The following ITGAE variants were observed in gnomAD, a reference collection of about 807,000 sequenced individuals.
The protein encoded by ITGAE is integrin subunit alpha E.
A neutral mutation model predicts 136.5 loss-of-function variants in ITGAE; 99 were observed. The ratio of observed to expected loss-of-function variants is 0.73; its 90% CI spans 0.62 to 0.86. The LOEUF (loss-of-function observed/expected upper bound fraction) is 0.86, where lower values mean the gene tolerates loss of function less well. Ranked by LOEUF, ITGAE falls within the 40% of genes least tolerant of loss-of-function variation. The pLI, the probability that ITGAE is intolerant of heterozygous loss-of-function variation, is 0.00. For missense variants in ITGAE, 1,447 were observed against 1,515.3 expected (o/e 0.95, Z 0.75); for synonymous variants, 613 against 591.8 (o/e 1.04, Z -0.52).
chr17:3,780,163 G>GTTTA (rs746262430), intron 1 of ITGAE, among the ~76,000 whole-genome samples: 1 of 142,390 alleles, frequency 7.0e-6, no homozygotes, highest in South Asian at 2.3e-4. Context: ...TTGTTTGTTT[G>GTTTA]TTTATTTGTT....
intron 16 of ITGAE, among the ~76,000 whole-genome samples, chr17:3,749,648 G>C (rs185404997): frequency 6.7e-4 from 102 of 152,176 alleles, no homozygotes; most frequent in African/African-American, 2.3e-3. Context: ...TGGAGAGGAC[G>C]GGACAGACGG....
At chr17:3,740,537 T>C (rs2051560615) in intron 19 of ITGAE, among the ~76,000 whole-genome samples, 1 of 152,158 alleles carries the variant, frequency 6.6e-6, no homozygotes, top group Non-Finnish European at 1.5e-5. Context: ...CCACCACGCC[T>C]GGCTAACTTT....
Position 3,750,416 on chromosome 17 carries a change from C to T in ITGAE, c.1960G>A (p.Asp654Asn). 6.2e-7 allele frequency: 1 copy of T among 1,614,230 alleles called. No individual in the cohort carries two copies. The highest frequency in any genetic ancestry group is 8.5e-7 in the Non-Finnish European group (1 of 1,180,048). ...TCGGCAAGGCCGTCGCCACTAATAT[C>T]AAAGCCACCAGCCATGGACATGCCG... is the stretch of plus-strand genomic sequence containing the variant. ...YFGMSMAGGF[D>N]ISGDGLADIT... The change falls in exon 16 of 31, where the codon GAT becomes AAT. Residue 654 changes from aspartate (D) to asparagine (N), a missense_variant. Physicochemically the swap from Asp to Asn is conservative, Grantham distance 23. Transcript: ENST00000263087.
intron 19 of ITGAE, among the ~76,000 whole-genome samples, chr17:3,741,292 T>C (rs2143014607): frequency 6.6e-6 from 1 of 151,446 alleles, no homozygotes; most frequent in South Asian, 2.1e-4. Flanking sequence ...TTTCACTGTG[T>C]TAGCCAGGAT....
Position 3,759,528 on chromosome 17 carries a change from C to G in ITGAE, c.740G>C (p.Gly247Ala). ...GTCAAACTCAGTCTGGATCACTCCTCCATACTGCACCAAGGCAAAGTTGCA... is the reference window on the plus strand; with the variant it reads ...GTCAAACTCAGTCTGGATCACTCCTGCATACTGCACCAAGGCAAAGTTGCA... ...FECNFALVQY[G>A]GVIQTEFDLR... is the part of the protein sequence containing the mutation. Residue 247 changes from glycine to alanine, a missense_variant, in exon 8 of 31, where the codon GGA becomes GCA. This residue lies in a region of ITGAE where 310 missense variants were observed against 416.1 expected (regional missense o/e 0.74). Transcript: ENST00000263087. The G allele has an allele frequency of 6.2e-7, 1 of 1,613,432 alleles. No individual in the cohort carries two copies. The highest frequency in any genetic ancestry group is 1.3e-5 in the African/African-American group (1 of 75,052).
In ITGAE at chr17:3,770,837, C is replaced by G. The variant is rs998706831; in HGVS notation, c.155+6703G>C. On this transcript the variant is annotated intron_variant, in intron 2 of 30. Coordinates refer to ENST00000263087, the MANE Select transcript of ITGAE (RefSeq NM_002208.5). Reference sequence around the variant, plus strand: ...CTCCAAACTCTCTCCTGCACCCTGGCCTTTAGGCTTCTGAGAGAGGGGCTG... The same window carrying G: ...CTCCAAACTCTCTCCTGCACCCTGGGCTTTAGGCTTCTGAGAGAGGGGCTG... 5.3e-5 allele frequency among the ~76,000 whole-genome samples: 8 copies of G among 152,266 alleles called. 1 individual carries two copies. Among genetic ancestry groups the G allele is most frequent in the East Asian group, 3.9e-4 (2 of 5,170 alleles).
At chr17:3,796,051 CTGTG>C (rs10598583) in intron 1 of ITGAE, among the ~76,000 whole-genome samples, 32 of 122,852 alleles carry the variant, frequency 2.6e-4, no homozygotes, top group African/African-American at 6.1e-4. Context: ...GTGTGTGCAT[CTGTG>C]TGTGTGCATC....
chr17:3,773,710 G>A (rs912546848), intron 2 of ITGAE, among the ~76,000 whole-genome samples: 4 of 152,182 alleles, frequency 2.6e-5, no homozygotes, highest in Admixed American at 1.3e-4. Context: ...ATCACTGGCC[G>A]CTGGTGATCA....
At chr17:3,746,874 AG>A (rs1475788709) in intron 17 of ITGAE, among the ~76,000 whole-genome samples, 6 of 152,042 alleles carry the variant, frequency 3.9e-5, no homozygotes, top group Non-Finnish European at 5.9e-5. Flanking sequence ...TACAGGCGTG[AG>A]CTACCACACC....
Position 3,725,336 on chromosome 17 carries a change from C to T in ITGAE, c.3085-1592G>A, listed in dbSNP as rs139867066. ...ATGCTGAAAAGGTTTATGGGGAATGCAGTCAGAAGGGTCCTGTCCCCTTTA... is the reference window on the plus strand; with the variant it reads ...ATGCTGAAAAGGTTTATGGGGAATGTAGTCAGAAGGGTCCTGTCCCCTTTA... On this transcript the variant is annotated intron_variant, in intron 26 of 30. Transcript: ENST00000263087. 2.5e-6 allele frequency: 4 copies of T among 1,614,108 alleles called. No individual in the cohort carries two copies. In the African/African-American group the frequency reaches 4.0e-5, roughly 16 times the overall value.
chr17:3,765,794 T>C (rs2052284314), intron 2 of ITGAE, among the ~76,000 whole-genome samples: 1 of 152,220 alleles, frequency 6.6e-6, no homozygotes, highest in African/African-American at 2.4e-5. Context: ...GTCTGACCTC[T>C]ATCTGCCACC....
At chr17:3,778,511 C>T (rs1321548822) in intron 1 of ITGAE, among the ~76,000 whole-genome samples, 2 of 152,128 alleles carry the variant, frequency 1.3e-5, no homozygotes, top group African/African-American at 4.8e-5. Context: ...TGCAGTGAGC[C>T]GAGATTGCAC....
At chr17:3,759,575 GC>G in intron 7 of ITGAE, 22 bp from the exon 8 acceptor site, 2 of 1,597,884 alleles carry the variant, frequency 1.3e-6, no homozygotes, top group Non-Finnish European at 8.6e-7. Flanking sequence ...GGGCAGGAGG[GC>G]AGGAGGTTGG....
At chr17:3,771,641 A>G (rs1362920513) in intron 2 of ITGAE, among the ~76,000 whole-genome samples, 1 of 150,808 alleles carries the variant, frequency 6.6e-6, no homozygotes, top group Admixed American at 6.6e-5. Context: ...CCCGGGTTCA[A>G]GCGATTCTCC....
intron 26 of ITGAE, chr17:3,725,176 G>T (rs2051178057): frequency 5.0e-6 from 8 of 1,614,128 alleles, no homozygotes; most frequent in African/African-American, 1.3e-5. Flanking sequence ...TCTCTCTCTG[G>T]ATCCCTCCTA....
chr17:3,751,269 A>C (rs2051857585), intron 15 of ITGAE, among the ~76,000 whole-genome samples: 1 of 148,266 alleles, frequency 6.7e-6, no homozygotes, highest in African/African-American at 2.5e-5. Flanking sequence ...AGCCCTGGGG[A>C]ATGAGAGATA....
chr17:3,745,787 G>A lies in ITGAE; in HGVS notation c.2296C>T (p.Leu766=), dbSNP rs2051697880. The change falls in exon 18 of 31, where the codon CTG becomes TTG. Residue 766 remains leucine, a synonymous_variant. Coordinates refer to ENST00000263087, the MANE Select transcript of ITGAE (RefSeq NM_002208.5). Reference sequence around the variant, plus strand: ...ACCTCTCCCTCTGTGGGCATGAGCAGGAGGTCCTCACAAAGCTGGGATCCG... The same window carrying A: ...ACCTCTCCCTCTGTGGGCATGAGCAAGAGGTCCTCACAAAGCTGGGATCCG... ...SSGSQLCEDL[L]LMPTEGELCE... The A allele has an allele frequency of 6.2e-7, 1 of 1,613,976 alleles. No individual in the cohort carries two copies. The highest frequency in any genetic ancestry group is 1.3e-5 in the African/African-American group (1 of 74,918).
At chr17:3,721,260 C>CTTTTTT (rs869087347) in intron 28 of ITGAE, among the ~76,000 whole-genome samples, 4 of 46,200 alleles carry the variant, frequency 8.7e-5, no homozygotes, top group Non-Finnish European at 1.4e-4. Flanking sequence ...GAGATTTTTC[C>CTTTTTT]TTTTTTTTTT....
intron 2 of ITGAE, among the ~76,000 whole-genome samples, 166 bp downstream of exon 2, chr17:3,777,374 C>G (rs1483477423): frequency 6.6e-6 from 1 of 152,244 alleles, no homozygotes; most frequent in Admixed American, 6.5e-5. Flanking sequence ...TGCCCACAGC[C>G]TCTCTCACAC....
Sources: gnomAD v4.1 joint callset for allele counts (sites outside exome capture counted in the v4.1 genomes callset) on GRCh38, gnomAD v4.1.1 for gene constraint, gnomAD v4.1.1 regional missense constraint, MANE v1.5 for transcripts, NCBI Gene and HGNC (gene_info 2026-07-23, HGNC 2026-07-21) for gene names.